RETREG1: variants seen among roughly 807,000 people sequenced by gnomAD.
The protein encoded by RETREG1 is family with sequence similarity 134 member B.
A neutral mutation model predicts 54.8 loss-of-function variants in RETREG1; 44 were observed. That is an observed-to-expected ratio of 0.80 (90% CI 0.63 to 1.03). The LOEUF is 1.03. Among genes scored for constraint, RETREG1 ranks in the 50% least tolerant of loss-of-function variants. The pLI is 0.00. For missense variants in RETREG1, 554 were observed against 605.1 expected (o/e 0.92, Z 0.89); for synonymous variants, 217 against 238.5 (o/e 0.91, Z 0.83).
chr5:16,600,528 C>G (rs190274142), intron 1 of RETREG1, among the ~76,000 whole-genome samples: 119 of 152,336 alleles, frequency 7.8e-4, no homozygotes, highest in African/African-American at 2.6e-3. Flanking sequence ...TGGGGACCCC[C>G]ACGTGTTCAT....
rs768506726 is a variant in RETREG1 at position 16,483,487 on chromosome 5, A to G, written c.459-15T>C. ...TAACTTCCCAGCTAAAGAGACAAAA[A>G]GAAAAAAAATACTACTGAACTTTGG... is the stretch of plus-strand genomic sequence containing the variant. On this transcript the variant is annotated splice_polypyrimidine_tract_variant and intron_variant, in intron 3 of 8. Coordinates refer to ENST00000306320, the MANE Select transcript of RETREG1 (RefSeq NM_001034850.3). 6.2e-7 allele frequency: 1 copy of G among 1,612,496 alleles called. No individual in the cohort carries two copies. The highest frequency in any genetic ancestry group is 8.5e-7 in the Non-Finnish European group (1 of 1,179,028).
intron 1 of RETREG1, among the ~76,000 whole-genome samples, chr5:16,598,235 A>C (rs1237933317): frequency 6.6e-6 from 1 of 152,122 alleles, no homozygotes; most frequent in Non-Finnish European, 1.5e-5. Context: ...CTAAAATGTC[A>C]CTTCTTCTAG....
intron 3 of RETREG1, among the ~76,000 whole-genome samples, chr5:16,544,968 A>G (rs2060984099): frequency 1.3e-5 from 2 of 152,252 alleles, no homozygotes; most frequent in South Asian, 4.1e-4. Context: ...CCAAGAAAAC[A>G]ATTAGCTTAT....
chr5:16,601,435 C>T (rs1401772048), intron 1 of RETREG1, among the ~76,000 whole-genome samples: 2 of 147,944 alleles, frequency 1.4e-5, no homozygotes, highest in Non-Finnish European at 3.0e-5. Flanking sequence ...CTTGCTGTGT[C>T]GCCCAGGCTG....
intron 3 of RETREG1, among the ~76,000 whole-genome samples, chr5:16,484,696 TA>T (rs1473921398): frequency 6.6e-6 from 1 of 152,202 alleles, no homozygotes; most frequent in Non-Finnish European, 1.5e-5. Context: ...TTCCTTTTTA[TA>T]AAAATAATTT....
At chr5:16,480,359 G>A (rs1180990284) in intron 5 of RETREG1, among the ~76,000 whole-genome samples, 2 of 152,028 alleles carry the variant, frequency 1.3e-5, no homozygotes, top group Non-Finnish European at 2.9e-5. Context: ...ACCACAGTTT[G>A]CTTACCCATT....
intron 3 of RETREG1, among the ~76,000 whole-genome samples, chr5:16,560,606 T>C (rs1741828419): frequency 6.6e-6 from 1 of 152,194 alleles, no homozygotes; most frequent in South Asian, 2.1e-4. Context: ...TGGAGGTGAT[T>C]TCTAGCTCCT....
chr5:16,528,464 T>C (rs1245264636), intron 3 of RETREG1, among the ~76,000 whole-genome samples: 1 of 152,100 alleles, frequency 6.6e-6, no homozygotes, highest in African/African-American at 2.4e-5. Context: ...GATGGATATA[T>C]ATTCCACCTG....
chr5:16,554,920 A>G (rs866762138), intron 3 of RETREG1, among the ~76,000 whole-genome samples: 1 of 152,144 alleles, frequency 6.6e-6, no homozygotes, highest in Non-Finnish European at 1.5e-5. Flanking sequence ...CTCTTCATAC[A>G]GACGCAATCT....
At chr5:16,494,308 T>C (rs547799720) in intron 3 of RETREG1, among the ~76,000 whole-genome samples, 94 of 152,286 alleles carry the variant, frequency 6.2e-4, no homozygotes, top group South Asian at 3.3e-3. Flanking sequence ...AACCTGGGAT[T>C]ATAGATGACA....
At chr5:16,499,754 C>T (rs1739626333) in intron 3 of RETREG1, among the ~76,000 whole-genome samples, 1 of 152,250 alleles carries the variant, frequency 6.6e-6, no homozygotes, top group Admixed American at 6.5e-5. Flanking sequence ...ACCAGTGAAA[C>T]ACTTGCATGT....
chr5:16,490,360 AAG>A (rs1265381122), intron 3 of RETREG1, among the ~76,000 whole-genome samples: 2 of 152,258 alleles, frequency 1.3e-5, no homozygotes, highest in Non-Finnish European at 2.9e-5. Flanking sequence ...ACTATTAAAA[AAG>A]AGTTATAAGA....
intron 1 of RETREG1, among the ~76,000 whole-genome samples, chr5:16,601,210 T>G (rs1322738057): frequency 6.6e-6 from 1 of 151,924 alleles, no homozygotes; most frequent in Non-Finnish European, 1.5e-5. Flanking sequence ...TAACAAAAAT[T>G]TTAAAAACTT....
rs569036807 is a variant in RETREG1, at chr5:16,561,964, G to T, written c.458+3799C>A. 2.6e-5 allele frequency among the ~76,000 whole-genome samples: 4 copies of T among 152,318 alleles called. No individual in the cohort carries two copies. In the South Asian group the frequency reaches 8.3e-4, roughly 32 times the overall value. On this transcript the variant is annotated intron_variant, in intron 3 of 8. Transcript: ENST00000306320. The surrounding 1 kb of genome is among the most constrained non-coding windows in gnomAD (Gnocchi z 4.2). ...CTTGTCTAATCTTTCCCCAACCACAGTTAGAGAGAAAGCCTCGATTTCCTT... is the reference window on the plus strand; with the variant it reads ...CTTGTCTAATCTTTCCCCAACCACATTTAGAGAGAAAGCCTCGATTTCCTT...
intron 3 of RETREG1, among the ~76,000 whole-genome samples, chr5:16,494,838 A>G (rs576223258): frequency 2.0e-5 from 3 of 152,338 alleles, no homozygotes; most frequent in South Asian, 4.1e-4. Flanking sequence ...ACTGGGTAAT[A>G]GGCAGAAGTT....
chr5:16,493,023 G>A (rs903812751), intron 3 of RETREG1, among the ~76,000 whole-genome samples: 11 of 152,268 alleles, frequency 7.2e-5, no homozygotes, highest in African/African-American at 2.6e-4. Flanking sequence ...TTTCTGCCTG[G>A]AGAAGCTTTC....
intron 3 of RETREG1, among the ~76,000 whole-genome samples, chr5:16,489,178 T>C (rs957273251): frequency 1.4e-5 from 2 of 147,862 alleles, no homozygotes; most frequent in African/African-American, 5.0e-5. Flanking sequence ...GGATACAAAG[T>C]GGTGAGTTTT....
intron 3 of RETREG1, among the ~76,000 whole-genome samples, chr5:16,501,507 C>A (rs992149358): frequency 6.6e-6 from 1 of 151,932 alleles, no homozygotes; most frequent in African/African-American, 2.4e-5. Flanking sequence ...GGAGAGAGTT[C>A]ATTGGCCTGC....
intron 1 of RETREG1, among the ~76,000 whole-genome samples, chr5:16,606,300 T>C (rs1247652252): frequency 6.6e-6 from 1 of 152,038 alleles, no homozygotes; most frequent in Admixed American, 6.5e-5. Flanking sequence ...CTGCTGCCAC[T>C]CTCCTTCTCA....
Sources: gnomAD v4.1 joint callset for allele counts (sites outside exome capture counted in the v4.1 genomes callset) on GRCh38, gnomAD v4.1.1 for gene constraint, Gnocchi (gnomAD v3.1) non-coding constraint, MANE v1.5 for transcripts, NCBI Gene and HGNC (gene_info 2026-07-23, HGNC 2026-07-21) for gene names.